The following COL19A1 variants were observed in gnomAD, a reference collection of about 807,000 sequenced individuals.
The protein encoded by COL19A1 is collagen alpha-1(XIX) chain.
COL19A1 carries 159 observed loss-of-function variants against 190.2 expected under a neutral mutation model. The ratio of observed to expected loss-of-function variants is 0.84; its 90% CI spans 0.73 to 0.95. The LOEUF (loss-of-function observed/expected upper bound fraction) is 0.95, where lower values mean the gene tolerates loss of function less well. COL19A1 is among the 40% of genes least tolerant of loss of function. The pLI is 0.00. For synonymous variants in COL19A1, 509 were observed against 458.9 expected (o/e 1.11, Z -1.39); for missense variants, 1,418 against 1,431.9 (o/e 0.99, Z 0.16).
intron 16 of COL19A1, among the ~76,000 whole-genome samples, chr6:70,114,126 T>A (rs6940436): frequency 1.3e-3 from 190 of 151,962 alleles, no homozygotes; most frequent in African/African-American, 4.5e-3. Context: ...GCTAGCATTG[T>A]GGGTGTTAGC....
At chr6:69,947,341 C>T (rs904700461) in intron 9 of COL19A1, among the ~76,000 whole-genome samples, 1 of 151,476 alleles carries the variant, frequency 6.6e-6, no homozygotes, top group Non-Finnish European at 1.5e-5. Context: ...CCTGTAATAC[C>T]ACAAAGATGA....
intron 36 of COL19A1, among the ~76,000 whole-genome samples, chr6:70,165,602 T>A (rs940176407): frequency 1.3e-5 from 2 of 152,308 alleles, no homozygotes; most frequent in Middle Eastern, 3.4e-3. Context: ...ACTGCCTGCT[T>A]GTAGGAGAGT....
intron 14 of COL19A1, among the ~76,000 whole-genome samples, chr6:70,040,485 A>G (rs531050786): frequency 2.6e-5 from 4 of 152,318 alleles, no homozygotes; most frequent in African/African-American, 7.2e-5. Flanking sequence ...TCTCTAATAT[A>G]TAAGAAACCT....
At chr6:69,868,816 C>G (rs1767641296) in intron 1 of COL19A1, among the ~76,000 whole-genome samples, 1 of 152,158 alleles carries the variant, frequency 6.6e-6, no homozygotes, top group African/African-American at 2.4e-5. Context: ...TTAATCTCTC[C>G]TGCTGCAATT....
intron 4 of COL19A1, among the ~76,000 whole-genome samples, chr6:69,912,022 G>A (rs1318724507): frequency 1.3e-5 from 2 of 152,144 alleles, no homozygotes; most frequent in Non-Finnish European, 2.9e-5. Flanking sequence ...ATAGTTGCCG[G>A]TGACAGCTGT....
At position 70,168,201 on chromosome 6, in the gene COL19A1, C is replaced by A; in HGVS notation, c.2527C>A (p.Pro843Thr). ...GGVNVPSYPG[P>T]PGPPGPKGDP... ...TGTGAATGTTCCCAGTTACCCAGGG[C>A]CACCCGGTCCTCCTGTAAGTACAGT... Residue 843 changes from proline (P) to threonine (T), a missense_variant, in exon 39 of 51, where the codon CCA becomes ACA. Physicochemically the swap from Pro to Thr is conservative, Grantham distance 38 (BLOSUM62 -1). Transcript: ENST00000620364. The A allele has an allele frequency of 6.2e-7, 1 of 1,613,112 alleles. No homozygotes were observed. Among genetic ancestry groups the A allele is most frequent in the Non-Finnish European group, 8.5e-7 (1 of 1,179,500 alleles).
At chr6:70,074,785 A>T (rs16868517) in intron 15 of COL19A1, among the ~76,000 whole-genome samples, 2,221 of 147,526 alleles carry the variant, frequency 0.015, 41 homozygotes, top group South Asian at 0.049. Flanking sequence ...TCTTATCTTT[A>T]TGTGTCAAAA....
In COL19A1 at chr6:70,168,666, C is replaced by T. The variant is rs370691639; in HGVS notation, c.2553C>T (p.Gly851=). Reference sequence around the variant, plus strand: ...TGTTTCTCTTACAGGGCCCAAAAGGCGATCCTGGCCCAGTGGTATGAATGT... The same window carrying T: ...TGTTTCTCTTACAGGGCCCAAAAGGTGATCCTGGCCCAGTGGTATGAATGT... ...PGPPGPPGPK[G]DPGPVGEPGA... Residue 851 remains glycine, a synonymous_variant, in exon 40 of 51, where the codon GGC becomes GGT. Coordinates refer to ENST00000620364, the MANE Select transcript of COL19A1 (RefSeq NM_001858.6). The T allele has an allele frequency of 1.5e-5, 24 of 1,612,286 alleles. No homozygotes were observed. The highest frequency in any genetic ancestry group is 8.4e-5 in the Admixed American group (5 of 59,680).
intron 23 of COL19A1, among the ~76,000 whole-genome samples, chr6:70,143,534 G>A (rs940602438): frequency 6.6e-6 from 1 of 152,026 alleles, no homozygotes; most frequent in Non-Finnish European, 1.5e-5. Flanking sequence ...GCAACTCTTA[G>A]GATCTCTCCT....
intron 41 of COL19A1, among the ~76,000 whole-genome samples, chr6:70,174,170 G>A (rs1315316515): frequency 6.6e-6 from 1 of 152,158 alleles, no homozygotes; most frequent in South Asian, 2.1e-4. Flanking sequence ...AGAGGTTGGG[G>A]AGAAGGTCCA....
chr6:69,933,261 C>T (rs1772896110), intron 7 of COL19A1, among the ~76,000 whole-genome samples: 1 of 152,048 alleles, frequency 6.6e-6, no homozygotes, highest in Admixed American at 6.6e-5. Flanking sequence ...GACTTTTCAT[C>T]CTTATCTTCC....
intron 14 of COL19A1, among the ~76,000 whole-genome samples, chr6:70,045,011 T>C (rs1779829789): frequency 6.6e-6 from 1 of 152,142 alleles, no homozygotes; most frequent in African/African-American, 2.4e-5. Flanking sequence ...GGAATACTTT[T>C]AATAGCTACT....
At chr6:69,977,210 A>G (rs555010684) in intron 11 of COL19A1, among the ~76,000 whole-genome samples, 3 of 152,298 alleles carry the variant, frequency 2.0e-5, no homozygotes, top group African/African-American at 4.8e-5. Context: ...TAGCGCATAT[A>G]CACCATGCAA....
chr6:70,061,284 C>T (rs1226087021), intron 14 of COL19A1, among the ~76,000 whole-genome samples: 1 of 152,080 alleles, frequency 6.6e-6, no homozygotes, highest in East Asian at 1.9e-4. Context: ...TCAAAATGTT[C>T]TGAAGATTAG....
chr6:69,928,108 C>A, intron 5 of COL19A1, 76 bp downstream of exon 5: 1 of 1,558,046 alleles, frequency 6.4e-7, no homozygotes, highest in South Asian at 1.2e-5. Context: ...AACTGGTGCA[C>A]AAATTTGCGA....
chr6:69,891,933 A>G (rs995333643), intron 2 of COL19A1, among the ~76,000 whole-genome samples: 5 of 152,190 alleles, frequency 3.3e-5, no homozygotes, highest in Admixed American at 6.5e-5. Flanking sequence ...CCAGAAGCTT[A>G]GAATTGAGTC....
intron 4 of COL19A1, among the ~76,000 whole-genome samples, chr6:69,907,607 T>G (rs1457556774): frequency 6.6e-6 from 1 of 152,246 alleles, no homozygotes; most frequent in Admixed American, 6.5e-5. Context: ...CTGCATATTT[T>G]CCAATATCTT....
intron 15 of COL19A1, among the ~76,000 whole-genome samples, chr6:70,073,389 T>C (rs747975443): frequency 1.8e-4 from 27 of 152,112 alleles, no homozygotes; most frequent in Non-Finnish European, 3.2e-4. Context: ...TTTTAGAAAA[T>C]GGAGATGCTA....
At chr6:70,174,085 AG>A (rs1161321985) in intron 41 of COL19A1, among the ~76,000 whole-genome samples, 3 of 152,154 alleles carry the variant, frequency 2.0e-5, no homozygotes, top group African/African-American at 7.2e-5. Context: ...AGTCTACAAA[AG>A]TTGTTTTCTG....
Sources: gnomAD v4.1 joint callset for allele counts (sites outside exome capture counted in the v4.1 genomes callset) on GRCh38, gnomAD v4.1.1 for gene constraint, MANE v1.5 for transcripts, NCBI Gene and HGNC (gene_info 2026-07-23, HGNC 2026-07-21) for gene names.